MAMDC2: variants seen among roughly 807,000 people sequenced by gnomAD.
The protein encoded by MAMDC2 is MAM domain-containing protein 2.
MAMDC2 carries 57 observed loss-of-function variants against 89.8 expected under a neutral mutation model. The ratio of observed to expected loss-of-function variants is 0.63; its 90% CI spans 0.51 to 0.79. MAMDC2 has a LOEUF of 0.79. MAMDC2 is among the 30% of genes least tolerant of loss of function. The pLI is 0.00. For synonymous variants in MAMDC2, 313 were observed against 293.4 expected (o/e 1.07, Z -0.68); for missense variants, 800 against 820.6 (o/e 0.97, Z 0.31).
chr9:70,119,493 C>A (rs1000483952), intron 5 of MAMDC2, among the ~76,000 whole-genome samples: 1 of 152,136 alleles, frequency 6.6e-6, no homozygotes, highest in Non-Finnish European at 1.5e-5. Context: ...GGTAGGGAAG[C>A]AGCTTTCTTA....
intron 4 of MAMDC2, among the ~76,000 whole-genome samples, chr9:70,110,700 T>C (rs1828487534): frequency 6.6e-6 from 1 of 152,120 alleles, no homozygotes; most frequent in Non-Finnish European, 1.5e-5. Context: ...AGGGGAGAAG[T>C]GTGCAGCTGC....
chr9:70,111,455 T>C (rs981052897), intron 4 of MAMDC2, among the ~76,000 whole-genome samples: 1 of 152,210 alleles, frequency 6.6e-6, no homozygotes, highest in Non-Finnish European at 1.5e-5. Context: ...CCTCTCTCCA[T>C]TGCTCATCTG....
intron 2 of MAMDC2, among the ~76,000 whole-genome samples, chr9:70,070,263 C>G (rs892208180): frequency 6.6e-6 from 1 of 152,080 alleles, no homozygotes; most frequent in African/African-American, 2.4e-5. Context: ...TCACTCCAGG[C>G]ATGTGGAAAG....
intron 12 of MAMDC2, among the ~76,000 whole-genome samples, chr9:70,221,376 T>G (rs1181297982): frequency 0.034 from 195 of 5,786 alleles, 15 homozygotes; most frequent in African/African-American, 0.077. Flanking sequence ...TATATATATA[T>G]ATATAGAGAG....
chr9:70,129,205 G>A (rs1365219485), intron 6 of MAMDC2, among the ~76,000 whole-genome samples: 1 of 152,080 alleles, frequency 6.6e-6, no homozygotes, highest in Non-Finnish European at 1.5e-5. Context: ...TAAATTATGG[G>A]GGCAGTTCTT....
intron 7 of MAMDC2, among the ~76,000 whole-genome samples, chr9:70,134,850 G>C (rs918312996): frequency 1.3e-5 from 2 of 152,136 alleles, no homozygotes; most frequent in Non-Finnish European, 2.9e-5. Context: ...AGCCAGCTTT[G>C]AGCTGTCTCA....
chr9:70,124,517 C>A (rs906446856), intron 5 of MAMDC2, among the ~76,000 whole-genome samples: 1 of 152,122 alleles, frequency 6.6e-6, no homozygotes, highest in Admixed American at 6.5e-5. Context: ...CCATTTTTCC[C>A]TTCTGCCATG....
chr9:70,109,763 T>C lies in MAMDC2; in HGVS notation c.464T>C (p.Ile155Thr), dbSNP rs1349945768. 1 of 1,614,114 alleles carries C rather than the reference T, an allele frequency of 6.2e-7. No individual in the cohort carries two copies. Among genetic ancestry groups the C allele is most frequent in the Non-Finnish European group, 8.5e-7 (1 of 1,179,938 alleles). ...GVLGQGNTAS[I>T]ALFEIKMTTG... ...CTAGGACAGGGAAACACAGCCAGCA[T>C]CGCACTATTTGAAATCAAGATGACA... The change falls in exon 4 of 14, where the codon ATC (isoleucine) becomes ACC (threonine). Residue 155 changes from isoleucine to threonine, a missense_variant. Physicochemically the swap from Ile to Thr is moderately conservative, Grantham distance 89. Transcript: ENST00000377182.
intron 2 of MAMDC2, chr9:70,082,867 T>C (rs1563945541): frequency 6.6e-6 from 1 of 152,138 alleles, no homozygotes; most frequent in Non-Finnish European, 1.5e-5. Context: ...ACTTCCTCTA[T>C]CTGGTTCACT....
At chr9:70,046,878 G>C (rs1477624801) in intron 2 of MAMDC2, among the ~76,000 whole-genome samples, 1 of 152,186 alleles carries the variant, frequency 6.6e-6, no homozygotes, top group African/African-American at 2.4e-5. Flanking sequence ...GCTTCAGTTT[G>C]TCAAAGGCCA....
At chr9:70,106,035 A>C (rs973663875) in intron 2 of MAMDC2, 3 of 152,288 alleles carry the variant, frequency 2.0e-5, no homozygotes, top group Admixed American at 1.3e-4. Context: ...CAGTAGCAAC[A>C]GTATCACCTG....
intron 2 of MAMDC2, chr9:70,090,807 T>C (rs1827880622): frequency 6.6e-6 from 1 of 152,166 alleles, no homozygotes; most frequent in South Asian, 2.1e-4. Context: ...ACAAGAAGAT[T>C]TATCACCACA....
chr9:70,164,280 T>C (rs1231792906), intron 9 of MAMDC2, among the ~76,000 whole-genome samples: 2 of 152,202 alleles, frequency 1.3e-5, no homozygotes, highest in African/African-American at 4.8e-5. Flanking sequence ...AATACTCTGT[T>C]GTGGATTTTA....
At chr9:70,169,420 G>GAC (rs759934420) in intron 10 of MAMDC2, among the ~76,000 whole-genome samples, 4 of 152,098 alleles carry the variant, frequency 2.6e-5, no homozygotes, top group Non-Finnish European at 4.4e-5. Context: ...CCATTTCTTT[G>GAC]ACACACAGGC....
chr9:70,170,169 C>T, intron 10 of MAMDC2: 1 of 299,794 alleles, frequency 3.3e-6, no homozygotes, highest in Non-Finnish European at 6.1e-6. Context: ...GGCAATATAC[C>T]TATAATTTCC....
chr9:70,182,571 G>A (rs2032667183), intron 11 of MAMDC2, among the ~76,000 whole-genome samples: 1 of 152,096 alleles, frequency 6.6e-6, no homozygotes, highest in Non-Finnish European at 1.5e-5. Context: ...ACTTCTTCCT[G>A]ATTTAGTCTT....
intron 2 of MAMDC2, 152 bp downstream of exon 2, chr9:70,044,849 T>G: frequency 2.8e-6 from 2 of 709,532 alleles, no homozygotes; most frequent in Admixed American, 2.4e-5. Flanking sequence ...TCAGCTGTGC[T>G]GCAAGGGATG....
chr9:70,103,358 AG>A (rs1238374413), intron 2 of MAMDC2, among the ~76,000 whole-genome samples: 3 of 151,992 alleles, frequency 2.0e-5, no homozygotes, highest in African/African-American at 7.3e-5. Flanking sequence ...AGCTACAGTA[AG>A]GAGGACTCTG....
chr9:70,203,243 C>A (rs997815197), intron 11 of MAMDC2, among the ~76,000 whole-genome samples: 3 of 152,110 alleles, frequency 2.0e-5, no homozygotes, highest in African/African-American at 7.2e-5. Flanking sequence ...TCTTTTAGGG[C>A]AGGCCTGATG....
Sources: allele counts gnomAD v4.1 joint callset (sites outside exome capture counted in the v4.1 genomes callset), GRCh38; gene constraint gnomAD v4.1.1; transcripts MANE v1.5; gene names NCBI Gene and HGNC (gene_info 2026-07-23, HGNC 2026-07-21).